CHST11: variants seen among roughly 807,000 people sequenced by gnomAD.
CHST11 encodes the protein carbohydrate sulfotransferase 11.
A neutral mutation model predicts 30.4 loss-of-function variants in CHST11; 9 were observed. The observed-to-expected ratio is 0.30, with a 90% CI of 0.18 to 0.52. The LOEUF (loss-of-function observed/expected upper bound fraction) is 0.52. Among genes scored for constraint, CHST11 ranks in the 20% least tolerant of loss-of-function variants. The pLI is 0.97. For synonymous variants in CHST11, 152 were observed against 187.8 expected (o/e 0.81, Z 1.56); for missense variants, 348 against 460.6 (o/e 0.76, Z 2.24).
chr12:104,744,067 T>C (rs2040369982), intron 2 of CHST11, among the ~76,000 whole-genome samples: 1 of 152,176 alleles, frequency 6.6e-6, no homozygotes, highest in African/African-American at 2.4e-5. Context: ...AGTGAACACA[T>C]GTGTGCATGT....
chr12:104,488,598 TGC>T (rs2037710983), intron 1 of CHST11, among the ~76,000 whole-genome samples: 1 of 150,604 alleles, frequency 6.6e-6, no homozygotes, highest in Non-Finnish European at 1.5e-5. Flanking sequence ...TGCGTATGTA[TGC>T]GTATGTGTGT....
intron 2 of CHST11, among the ~76,000 whole-genome samples, chr12:104,619,491 G>A (rs1259353439): frequency 6.6e-6 from 1 of 152,164 alleles, no homozygotes; most frequent in East Asian, 1.9e-4. Flanking sequence ...CTTCTCGTCA[G>A]GGGAGGGCTA....
chr12:104,513,861 A>T (rs574326557), intron 1 of CHST11, among the ~76,000 whole-genome samples: 1 of 152,248 alleles, frequency 6.6e-6, no homozygotes, highest in Non-Finnish European at 1.5e-5. Context: ...CAGTGGCGTC[A>T]GAAGGCCAAG....
At chr12:104,719,766 C>A (rs2040158990) in intron 2 of CHST11, among the ~76,000 whole-genome samples, 1 of 152,182 alleles carries the variant, frequency 6.6e-6, no homozygotes, top group Non-Finnish European at 1.5e-5. Flanking sequence ...GGAGGATGGA[C>A]TGGCCCTGGG....
chr12:104,703,653 A>G (rs1227287586), intron 2 of CHST11, among the ~76,000 whole-genome samples: 1 of 150,798 alleles, frequency 6.6e-6, no homozygotes, highest in Non-Finnish European at 1.5e-5. Flanking sequence ...AAGGGCTCCC[A>G]GCTCAGAGTG....
At chr12:104,741,344 TGG>T (rs1285893468) in intron 2 of CHST11, among the ~76,000 whole-genome samples, 1 of 152,090 alleles carries the variant, frequency 6.6e-6, no homozygotes, top group Non-Finnish European at 1.5e-5. Context: ...ACCTCTCTCT[TGG>T]GGGAGGACCA....
intron 2 of CHST11, among the ~76,000 whole-genome samples, chr12:104,658,821 C>T (rs1426497185): frequency 6.6e-6 from 1 of 152,166 alleles, no homozygotes; most frequent in Non-Finnish European, 1.5e-5. Flanking sequence ...CTCATGTAAT[C>T]CTCATGATGA....
At chr12:104,604,683 T>C (rs2038986724) in intron 2 of CHST11, among the ~76,000 whole-genome samples, 1 of 152,234 alleles carries the variant, frequency 6.6e-6, no homozygotes, top group Non-Finnish European at 1.5e-5. Flanking sequence ...CCCGGAATGA[T>C]GTTATCACTG....
chr12:104,573,669 A>G (rs1439586121), intron 1 of CHST11, among the ~76,000 whole-genome samples: 3 of 152,172 alleles, frequency 2.0e-5, no homozygotes, highest in Non-Finnish European at 4.4e-5. Flanking sequence ...GTAGAAAGCT[A>G]AAACTGGATC....
At chr12:104,622,505 A>G (rs1464916757) in intron 2 of CHST11, among the ~76,000 whole-genome samples, 2 of 152,214 alleles carry the variant, frequency 1.3e-5, no homozygotes, top group African/African-American at 2.4e-5. Flanking sequence ...CAGGGGAGAT[A>G]TTATCTTCCC....
chr12:104,491,463 CT>C (rs2135967925), intron 1 of CHST11, among the ~76,000 whole-genome samples: 1 of 151,540 alleles, frequency 6.6e-6, no homozygotes, highest in East Asian at 2.0e-4. Context: ...TCTTCTTCTT[CT>C]TTTCTTTTCT....
intron 2 of CHST11, among the ~76,000 whole-genome samples, chr12:104,717,782 C>T (rs1345666252): frequency 5.4e-5 from 8 of 149,172 alleles, no homozygotes; most frequent in East Asian, 3.9e-4. Context: ...AAACAAACAA[C>T]AACAACAACA....
intron 1 of CHST11, among the ~76,000 whole-genome samples, chr12:104,589,520 G>A (rs1182760364): frequency 6.6e-6 from 1 of 152,140 alleles, no homozygotes; most frequent in Non-Finnish European, 1.5e-5. Flanking sequence ...ATGTATAGTT[G>A]GTGATAGTTG....
chr12:104,721,172 TC>T (rs1408554323), intron 2 of CHST11, among the ~76,000 whole-genome samples: 1 of 152,152 alleles, frequency 6.6e-6, no homozygotes, highest in Non-Finnish European at 1.5e-5. Context: ...CCTGGCCCCA[TC>T]CCCATCCCCA....
intron 2 of CHST11, among the ~76,000 whole-genome samples, chr12:104,742,747 A>C (rs547024847): frequency 1.3e-5 from 2 of 152,236 alleles, no homozygotes; most frequent in African/African-American, 4.8e-5. Context: ...GCCTCAGACC[A>C]AGTCCTTCCT....
At chr12:104,488,664 CGTGT>C (rs2037713057) in intron 1 of CHST11, among the ~76,000 whole-genome samples, 1 of 101,286 alleles carries the variant, frequency 9.9e-6, no homozygotes, top group Admixed American at 9.6e-5. Context: ...TGTATGTGTG[CGTGT>C]ATGTGTATGC....
intron 2 of CHST11, among the ~76,000 whole-genome samples, chr12:104,661,726 G>A (rs1490872502): frequency 6.6e-6 from 1 of 152,166 alleles, no homozygotes; most frequent in Non-Finnish European, 1.5e-5. Context: ...AGTGGTGAAG[G>A]TGCTCCTGTC....
intron 2 of CHST11, among the ~76,000 whole-genome samples, chr12:104,697,171 C>T (rs1372731018): frequency 2.0e-5 from 3 of 152,130 alleles, no homozygotes; most frequent in Admixed American, 6.5e-5. Context: ...ATGGGGACCC[C>T]GATTTCCCTG....
At chr12:104,726,500 C>T (rs2040217702) in intron 2 of CHST11, among the ~76,000 whole-genome samples, 1 of 152,180 alleles carries the variant, frequency 6.6e-6, no homozygotes, top group Non-Finnish European at 1.5e-5. Context: ...TAAAAATAGA[C>T]TCTTTCCACA....
Sources: gnomAD v4.1 joint callset for allele counts (sites outside exome capture counted in the v4.1 genomes callset) on GRCh38, gnomAD v4.1.1 for gene constraint, MANE v1.5 for transcripts, NCBI Gene and HGNC (gene_info 2026-07-23, HGNC 2026-07-21) for gene names.